The following GRIA1 variants were observed in gnomAD, a reference collection of about 807,000 sequenced individuals.
The protein encoded by GRIA1 is glutamate ionotropic receptor AMPA type subunit 1.
A neutral mutation model predicts 99.2 loss-of-function variants in GRIA1; 31 were observed. The observed-to-expected ratio is 0.31, with a 90% CI of 0.23 to 0.42. The LOEUF (loss-of-function observed/expected upper bound fraction) is 0.42. Ranked by LOEUF, GRIA1 falls within the 10% of genes least tolerant of loss-of-function variation. GRIA1 has a pLI of 1.00. For missense variants in GRIA1, 782 were observed against 1,157.5 expected, an observed-to-expected ratio of 0.68 and a Z score of 4.71; for synonymous variants, 438 against 432.4, an observed-to-expected ratio of 1.01 and a Z score of -0.16.
At chr5:153,632,354 A>T (rs866990180) in intron 2 of GRIA1, among the ~76,000 whole-genome samples, 11 of 152,214 alleles carry the variant, frequency 7.2e-5, no homozygotes, top group African/African-American at 2.7e-4. Context: ...TCTTTAGTCA[A>T]TCTGCATGAC....
intron 2 of GRIA1, among the ~76,000 whole-genome samples, chr5:153,636,135 C>T (rs181021039): frequency 1.3e-5 from 2 of 152,238 alleles, no homozygotes; most frequent in Non-Finnish European, 2.9e-5. Context: ...GAAAGAACCA[C>T]AAGTGGAAAA....
intron 2 of GRIA1, among the ~76,000 whole-genome samples, chr5:153,510,476 C>T (rs1413916923): frequency 8.6e-5 from 13 of 151,962 alleles, no homozygotes; most frequent in Admixed American, 2.0e-4. Flanking sequence ...AGATTGTCTG[C>T]GATTGCAGAT....
intron 10 of GRIA1, among the ~76,000 whole-genome samples, chr5:153,700,048 A>G (rs1758403911): frequency 6.6e-6 from 1 of 152,236 alleles, no homozygotes; most frequent in African/African-American, 2.4e-5. Flanking sequence ...GAGTTTGTCT[A>G]GCCCTCAGTG....
chr5:153,565,090 C>T (rs7724417), intron 2 of GRIA1, among the ~76,000 whole-genome samples: 3,036 of 152,206 alleles, frequency 0.02, 108 homozygotes, highest in African/African-American at 0.068. Context: ...TCTCAGTCAC[C>T]CATATATGTA....
chr5:153,550,001 G>A (rs986197739), intron 2 of GRIA1, among the ~76,000 whole-genome samples: 2 of 152,038 alleles, frequency 1.3e-5, no homozygotes, highest in African/African-American at 2.4e-5. Context: ...TAATCTCTTT[G>A]AGTCTCAATT....
intron 1 of GRIA1, among the ~76,000 whole-genome samples, 155 bp from the exon 2 acceptor site, chr5:153,493,773 C>A (rs953585963): frequency 2.0e-5 from 3 of 152,100 alleles, no homozygotes; most frequent in Non-Finnish European, 2.9e-5. Context: ...GTTTCAGTGT[C>A]CAGTTAAGCC....
At chr5:153,731,859 G>A (rs544152158) in intron 11 of GRIA1, among the ~76,000 whole-genome samples, 14 of 152,128 alleles carry the variant, frequency 9.2e-5, no homozygotes, top group South Asian at 6.2e-4. Context: ...CTTATTATTC[G>A]TTTTATAACT....
chr5:153,562,547 A>C (rs536274672), intron 2 of GRIA1, among the ~76,000 whole-genome samples: 1 of 152,330 alleles, frequency 6.6e-6, no homozygotes, highest in Admixed American at 6.5e-5. Flanking sequence ...TTGGAAATTC[A>C]TGCATGTCTT....
intron 2 of GRIA1, among the ~76,000 whole-genome samples, chr5:153,582,116 G>A (rs377197242): frequency 3.9e-5 from 6 of 152,272 alleles, no homozygotes; most frequent in East Asian, 1.9e-4. Flanking sequence ...TAAAGGTGCC[G>A]TAGCACAGAA....
chr5:153,704,651 A>G (rs889725650), intron 10 of GRIA1, among the ~76,000 whole-genome samples: 4 of 152,224 alleles, frequency 2.6e-5, no homozygotes, highest in African/African-American at 9.6e-5. Flanking sequence ...ATCACAGGCT[A>G]TTATTCCCAT....
In GRIA1 at chr5:153,647,235, T is replaced by A. The variant is rs1754221534; in HGVS notation, c.460+68T>A. On this transcript the variant is annotated intron_variant, in intron 3 of 15. Transcript: ENST00000285900. ...AGAAAATTACCAGCAGAAAGGAGAA[T>A]GATGCCTCACTGCTTCCCTGAAAAA... 4 of 1,539,442 alleles carry A rather than the reference T, an allele frequency of 2.6e-6. No homozygotes were observed. The African/African-American group carries it at 4.1e-5, about 16-fold the overall frequency.
chr5:153,801,600 A>G (rs1345865879), intron 14 of GRIA1, among the ~76,000 whole-genome samples: 1 of 152,204 alleles, frequency 6.6e-6, no homozygotes, highest in Non-Finnish European at 1.5e-5. Flanking sequence ...AGATATTTCT[A>G]AATTCAGCCA....
chr5:153,627,313 C>G (rs1767724310), intron 2 of GRIA1, among the ~76,000 whole-genome samples: 1 of 152,128 alleles, frequency 6.6e-6, no homozygotes, highest in African/African-American at 2.4e-5. Context: ...GATGAGCAAG[C>G]AAAGGTTTCA....
At chr5:153,755,586 A>C (rs943003020) in intron 11 of GRIA1, 2 of 152,250 alleles carry the variant, frequency 1.3e-5, no homozygotes, top group Non-Finnish European at 2.9e-5. Flanking sequence ...TTGGAGTTGG[A>C]GCAGGTCAAA....
chr5:153,559,375 C>T (rs1402003261), intron 2 of GRIA1, among the ~76,000 whole-genome samples: 1 of 152,094 alleles, frequency 6.6e-6, no homozygotes, highest in East Asian at 1.9e-4. Flanking sequence ...AATAGGAGCA[C>T]CAGATTTCCA....
intron 2 of GRIA1, among the ~76,000 whole-genome samples, chr5:153,596,024 A>T (rs994175996): frequency 1.4e-5 from 1 of 69,990 alleles, no homozygotes. Context: ...ACATATATAG[A>T]CAATAAAAAA....
intron 11 of GRIA1, among the ~76,000 whole-genome samples, chr5:153,740,205 A>T (rs1294871363): frequency 6.6e-6 from 1 of 152,358 alleles, no homozygotes; most frequent in East Asian, 1.9e-4. Context: ...AAAGGATTCA[A>T]AGTTGAAGAT....
intron 2 of GRIA1, among the ~76,000 whole-genome samples, chr5:153,619,253 T>C (rs546329751): frequency 1.3e-5 from 2 of 152,350 alleles, no homozygotes; most frequent in Admixed American, 6.5e-5. Context: ...TGAGTTATTA[T>C]ACAAAATGGA....
intron 2 of GRIA1, among the ~76,000 whole-genome samples, chr5:153,551,453 C>A (rs1233377337): frequency 3.3e-5 from 5 of 151,638 alleles, no homozygotes; most frequent in Non-Finnish European, 7.4e-5. Flanking sequence ...TTCATGTGAC[C>A]ACTCTCCATT....
Sources: gnomAD v4.1 joint callset for allele counts (sites outside exome capture counted in the v4.1 genomes callset) on GRCh38, gnomAD v4.1.1 for gene constraint, MANE v1.5 for transcripts, NCBI Gene and HGNC (gene_info 2026-07-23, HGNC 2026-07-21) for gene names.